SWAP70: variants seen among roughly 807,000 people sequenced by gnomAD.
SWAP70 encodes switching B cell complex subunit SWAP70, also known as switch-associated protein 70.
SWAP70 carries 34 observed loss-of-function variants against 80.2 expected under a neutral mutation model. That is an observed-to-expected ratio of 0.42 (90% CI 0.32 to 0.56). SWAP70 has a LOEUF of 0.56. Ranked by LOEUF, SWAP70 falls within the 20% of genes least tolerant of loss-of-function variation. The pLI is 0.09. For synonymous variants in SWAP70, 239 were observed against 238.5 expected (o/e 1.00, Z -0.02); for missense variants, 578 against 690.7 (o/e 0.84, Z 1.83).
Position 9,729,365 on chromosome 11 carries a change from A to G in SWAP70, c.812A>G (p.Lys271Arg), listed in dbSNP as rs1851266069. The G allele has an allele frequency of 1.9e-6, 3 of 1,613,646 alleles. No individual in the cohort carries two copies. Among genetic ancestry groups the G allele is most frequent in the Non-Finnish European group, 2.5e-6 (3 of 1,179,776 alleles). ...TAGTCCTTGCCTGACAAAGATGGAA[A>G]GAAATGCCTTTTTCTCGTAAAATGT... ...CVESLPDKDG[K>R]KCLFLVKCFD... The change falls in exon 6 of 12, where the codon AAG becomes AGG. Residue 271 changes from lysine to arginine, a missense_variant. Lys to Arg is a conservative substitution (Grantham distance 26). Transcript: ENST00000318950.
rs1035291470 is a variant in SWAP70, at chr11:9,698,667, A to G, written c.240+4381A>G. Among the ~76,000 whole-genome samples, 13 of 152,286 alleles carry G rather than the reference A, an allele frequency of 8.5e-5. No individual in the cohort carries two copies. In the East Asian group the frequency reaches 2.3e-3, roughly 27 times the overall value. On this transcript the variant is annotated intron_variant, in intron 2 of 11. Coordinates refer to ENST00000318950, the MANE Select transcript of SWAP70 (RefSeq NM_015055.4). ...TGATCTGCCTGCCTCAGCATCCTAA[A>G]GTGTTGGGATTATAGGTGTGAGCCA... is the stretch of plus-strand genomic sequence containing the variant.
At chr11:9,680,055 ATGT>A (rs1448669605) in intron 1 of SWAP70, among the ~76,000 whole-genome samples, 1 of 152,234 alleles carries the variant, frequency 6.6e-6, no homozygotes, top group Non-Finnish European at 1.5e-5. Context: ...CCAAACAATG[ATGT>A]TGAAGAAAAC....
chr11:9,672,615 C>G (rs1850433829), intron 1 of SWAP70, among the ~76,000 whole-genome samples: 1 of 143,840 alleles, frequency 7.0e-6, no homozygotes, highest in Non-Finnish European at 1.5e-5. Flanking sequence ...CTCAAGCAGT[C>G]CATCCACCTA....
intron 9 of SWAP70, among the ~76,000 whole-genome samples, chr11:9,746,901 G>A (rs978684560): frequency 2.6e-5 from 4 of 152,254 alleles, no homozygotes; most frequent in African/African-American, 9.6e-5. Context: ...GGAAATTGGT[G>A]TTGGTATAGT....
At chr11:9,733,676 C>T (rs981843233) in intron 7 of SWAP70, among the ~76,000 whole-genome samples, 2 of 152,172 alleles carry the variant, frequency 1.3e-5, no homozygotes, top group Admixed American at 1.3e-4. Context: ...TGCATCTTGC[C>T]TCTTTCTGCT....
At chr11:9,675,617 A>G (rs1206579364) in intron 1 of SWAP70, among the ~76,000 whole-genome samples, 1 of 151,986 alleles carries the variant, frequency 6.6e-6, no homozygotes, top group Non-Finnish European at 1.5e-5. Context: ...GCAGGTCAGT[A>G]GGTTTTCTCG....
intron 9 of SWAP70, chr11:9,741,872 G>A (rs1304830471): frequency 6.9e-6 from 1 of 143,966 alleles, no homozygotes; most frequent in Non-Finnish European, 1.5e-5. Context: ...GGGAGGCCGA[G>A]GCTGGAGGAT....
intron 1 of SWAP70, among the ~76,000 whole-genome samples, chr11:9,684,716 C>T (rs1224385964): frequency 1.3e-5 from 2 of 151,970 alleles, no homozygotes; most frequent in African/African-American, 4.8e-5. Context: ...AAAAATTCTT[C>T]TAGAAACATG....
At chr11:9,676,029 A>G (rs77875240) in intron 1 of SWAP70, among the ~76,000 whole-genome samples, 4,748 of 152,358 alleles carry the variant, frequency 0.031, 95 homozygotes, top group Non-Finnish European at 0.045. Context: ...TTTCTTAAGC[A>G]AAGATTTACT....
chr11:9,749,035 G>A (rs1203161235), intron 10 of SWAP70, 52 bp from the exon 11 acceptor site: 1 of 1,197,770 alleles, frequency 8.3e-7, no homozygotes, highest in East Asian at 2.5e-5. Flanking sequence ...TTGTGATTTG[G>A]TTCTTAAACT....
chr11:9,687,529 C>T (rs1367507914), intron 1 of SWAP70, among the ~76,000 whole-genome samples: 1 of 151,966 alleles, frequency 6.6e-6, no homozygotes, highest in Non-Finnish European at 1.5e-5. Flanking sequence ...TTTCTGTGGT[C>T]AAATTTACCA....
At chr11:9,710,526 C>T (rs1241776579) in intron 2 of SWAP70, among the ~76,000 whole-genome samples, 1 of 152,062 alleles carries the variant, frequency 6.6e-6, no homozygotes, top group Non-Finnish European at 1.5e-5. Context: ...CTGCGGACAG[C>T]TGGTGACTTT....
At chr11:9,669,753 T>C (rs1279458816) in intron 1 of SWAP70, among the ~76,000 whole-genome samples, 1 of 151,974 alleles carries the variant, frequency 6.6e-6, no homozygotes, top group Non-Finnish European at 1.5e-5. Context: ...ATAGAAAGCT[T>C]TGATTGCCAC....
intron 2 of SWAP70, among the ~76,000 whole-genome samples, chr11:9,707,731 T>C (rs552377447): frequency 5.3e-5 from 8 of 152,058 alleles, no homozygotes; most frequent in Non-Finnish European, 1.2e-4. Flanking sequence ...AATTTTTGTA[T>C]TTTTTGTAGA....
rs185934827 is a variant in SWAP70 at position 9,743,885 on chromosome 11, A to T, written c.1355+3538A>T. Among the ~76,000 whole-genome samples, 629 of 151,506 alleles carry T rather than the reference A, an allele frequency of 4.2e-3. 2 individuals carry two copies. The highest frequency in any genetic ancestry group is 9.0e-3 in the Admixed American group (137 of 15,230). On this transcript the variant is annotated intron_variant, in intron 9 of 11. Coordinates refer to ENST00000318950, the MANE Select transcript of SWAP70 (RefSeq NM_015055.4). ...CAGTCTCTTAAAAAGACAGTGTCTTAAAAAAAAAGAGAAACTTTTTATAGT... is the reference window on the plus strand; with the variant it reads ...CAGTCTCTTAAAAAGACAGTGTCTTTAAAAAAAAGAGAAACTTTTTATAGT...
rs527435370 is a variant in SWAP70 at position 9,724,986 on chromosome 11, A to G, written c.642+101A>G. 1.4e-5 allele frequency: 12 copies of G among 887,450 alleles called. No homozygotes were observed. In the Admixed American group the frequency reaches 1.7e-4, roughly 13 times the overall value. The allele number at this position is 887,450 out of a possible 1,614,324, so 55.0% of individuals were successfully genotyped here. A position where few individuals can be genotyped will look rare whatever the true frequency, so the allele number is the denominator to read the frequency against. ...ATGAGTATAAGTCACTTATTTTCTTACACTGATTTCGTTTTTTTATTTTTT... is the reference window on the plus strand; with the variant it reads ...ATGAGTATAAGTCACTTATTTTCTTGCACTGATTTCGTTTTTTTATTTTTT... On this transcript the variant is annotated intron_variant, in intron 4 of 11. Coordinates refer to ENST00000318950, the MANE Select transcript of SWAP70 (RefSeq NM_015055.4).
At chr11:9,739,009 G>A (rs1419602153) in intron 8 of SWAP70, among the ~76,000 whole-genome samples, 1 of 152,146 alleles carries the variant, frequency 6.6e-6, no homozygotes, top group Non-Finnish European at 1.5e-5. Flanking sequence ...GTTCTGATTT[G>A]GAAAATAAAT....
rs1851573468 is a variant in SWAP70 at position 9,750,513 on chromosome 11, GT to G, written c.*546del. The G allele has an allele frequency of 6.6e-6, 1 of 152,232 alleles. No individual in the cohort carries two copies. Among genetic ancestry groups the G allele is most frequent in the Admixed American group, 6.5e-5 (1 of 15,290 alleles). The allele number at this position is 152,232 out of a possible 1,614,324, so 9.4% of individuals were successfully genotyped here. ...AAAAGTCAACATTGTCAAGCTGTTT[GT>G]TTACTCTTTCTTTGAAAACATCACC... On this transcript the variant is annotated 3_prime_UTR_variant, in exon 12 of 12. Coordinates refer to ENST00000318950, the MANE Select transcript of SWAP70 (RefSeq NM_015055.4).
Position 9,750,029 on chromosome 11 carries a change from G to A in SWAP70, c.*59G>A, listed in dbSNP as rs985340322. On this transcript the variant is annotated 3_prime_UTR_variant, in exon 12 of 12. Transcript: ENST00000318950. ...ATACTGCATGGCAGGAGAGCTTTAC[G>A]CTAAAGACAAAAGAAACAGCTTTGG... 21 of 1,243,246 alleles carry A rather than the reference G, an allele frequency of 1.7e-5. No homozygotes were observed. The highest frequency in any genetic ancestry group is 1.4e-4 in the East Asian group (6 of 42,468). 77.0% of individuals were successfully genotyped at this position (1,243,246 alleles called of 1,614,324 possible).
Sources: gnomAD v4.1 joint callset for allele counts (sites outside exome capture counted in the v4.1 genomes callset) on GRCh38, gnomAD v4.1.1 for gene constraint, MANE v1.5 for transcripts, NCBI Gene and HGNC (gene_info 2026-07-23, HGNC 2026-07-21) for gene names.